ZNF793: variants seen among roughly 807,000 people sequenced by gnomAD.
ZNF793 encodes the protein zinc finger protein 793.
Under a neutral mutation model 12.4 loss-of-function variants are expected in ZNF793, and 5 were observed. The ratio of observed to expected loss-of-function variants is 0.40; its 90% CI spans 0.21 to 0.84. The LOEUF (loss-of-function observed/expected upper bound fraction) is 0.84. ZNF793 is among the 40% of genes least tolerant of loss of function. ZNF793 has a pLI of 0.35. For synonymous variants in ZNF793, 162 were observed against 172.4 expected, an observed-to-expected ratio of 0.94 and a Z score of 0.47; for missense variants, 456 against 495.0, an observed-to-expected ratio of 0.92 and a Z score of 0.75.
intron 2 of ZNF793, among the ~76,000 whole-genome samples, chr19:37,510,599 C>T (rs978915990): frequency 2.0e-5 from 3 of 151,422 alleles, no homozygotes; most frequent in Non-Finnish European, 4.4e-5. Flanking sequence ...TGAGAGGATT[C>T]CTTGAGCCCA....
chr19:37,540,705 T>C lies in ZNF793; in HGVS notation c.*2826T>C, dbSNP rs1263031364. 6.6e-6 allele frequency: 1 copy of C among 151,882 alleles called. No individual in the cohort carries two copies. Among genetic ancestry groups the C allele is most frequent in the Non-Finnish European group, 1.5e-5 (1 of 67,944 alleles). The allele number at this position is 151,882 out of a possible 1,614,324, so 9.4% of individuals were successfully genotyped here. ...ATAAACAGCAGAAAAGGTAAAACTA[T>C]CCATTTTTACTGATGATATGGTTGT... On this transcript the variant is annotated 3_prime_UTR_variant, in exon 8 of 8. Coordinates refer to ENST00000627814, the MANE Select transcript of ZNF793 (RefSeq NM_001013659.3).
chr19:37,524,592 C>T (rs1415340323), intron 5 of ZNF793, among the ~76,000 whole-genome samples: 4 of 152,192 alleles, frequency 2.6e-5, no homozygotes, highest in Non-Finnish European at 5.9e-5. Flanking sequence ...CTATTGTTAT[C>T]TCCAGTGGAA....
intron 3 of ZNF793, among the ~76,000 whole-genome samples, chr19:37,522,057 A>T (rs539968563): frequency 6.6e-6 from 1 of 152,264 alleles, no homozygotes; most frequent in Admixed American, 6.5e-5. Flanking sequence ...AAAACCAGGC[A>T]TTTGACACTG....
chr19:37,543,149 G>A lies in ZNF793; in HGVS notation c.*5270G>A, dbSNP rs1360619860. The A allele has an allele frequency of 6.6e-6, 1 of 152,128 alleles. No individual in the cohort carries two copies. The highest frequency in any genetic ancestry group is 2.1e-4 in the South Asian group (1 of 4,818). The allele number at this position is 152,128 out of a possible 1,614,324, so 9.4% of individuals were successfully genotyped here. ...TAAAAACTCCTGTGTGTGTATATAT[G>A]CATGTGGATGTTTATATGAACATAG... On this transcript the variant is annotated 3_prime_UTR_variant, in exon 8 of 8. Coordinates refer to ENST00000627814, the MANE Select transcript of ZNF793 (RefSeq NM_001013659.3).
At chr19:37,528,044 G>T (rs886744425) in intron 5 of ZNF793, among the ~76,000 whole-genome samples, 1 of 152,006 alleles carries the variant, frequency 6.6e-6, no homozygotes, top group Non-Finnish European at 1.5e-5. Context: ...CAGGAGAATC[G>T]CTTGAGCCCA....
intron 7 of ZNF793, chr19:37,533,815 GCAGTGAATTCCATGT>G (rs1250452684): frequency 2.9e-6 from 1 of 349,786 alleles, no homozygotes; most frequent in Non-Finnish European, 5.1e-6. Context: ...AGAAGAGGAA[GCAGTGAATTCCATGT>G]TGGGGTGGGG....
At chr19:37,523,523 G>A in intron 5 of ZNF793, 69 bp downstream of exon 5, 1 of 1,460,566 alleles carries the variant, frequency 6.8e-7, no homozygotes. Context: ...AAAAGGGTGT[G>A]CATTGTAAGT....
intron 4 of ZNF793, 111 bp from the exon 5 acceptor site, chr19:37,523,299 T>G: frequency 3.5e-6 from 3 of 858,134 alleles, no homozygotes; most frequent in South Asian, 3.2e-5. Context: ...AAGCATGGAT[T>G]TTTGTACAAT....
rs1254475427 is a variant in ZNF793 at position 37,541,176 on chromosome 19, C to T, written c.*3297C>T. ...AACCACAGGGGAAAAGAGTAGTTTA[C>T]TTAAAAAGAATTCTGGAACAGAACC... is the stretch of plus-strand genomic sequence containing the variant. On this transcript the variant is annotated 3_prime_UTR_variant, in exon 8 of 8. Coordinates refer to ENST00000627814, the MANE Select transcript of ZNF793 (RefSeq NM_001013659.3). 1 of 83,926 alleles carries T rather than the reference C, an allele frequency of 1.2e-5. No homozygotes were observed. The highest frequency in any genetic ancestry group is 2.3e-5 in the Non-Finnish European group (1 of 43,726). The allele number at this position is 83,926 out of a possible 1,614,324, so 5.2% of individuals were successfully genotyped here. A position where few individuals can be genotyped will look rare whatever the true frequency, so the allele number is the denominator to read the frequency against.
At chr19:37,524,807 G>A (rs8109038) in intron 5 of ZNF793, among the ~76,000 whole-genome samples, 33,352 of 152,132 alleles carry the variant, frequency 0.22, 3,968 homozygotes, top group South Asian at 0.32. Context: ...TGTTTAAAAG[G>A]CTTTGGATGA....
chr19:37,523,851 C>T (rs539285799), intron 5 of ZNF793, among the ~76,000 whole-genome samples: 38 of 152,174 alleles, frequency 2.5e-4, no homozygotes, highest in African/African-American at 9.1e-4. Flanking sequence ...GGATAATTCT[C>T]AGAAAGGTTT....
Position 37,524,182 on chromosome 19 carries a change from TAATAATAA to T in ZNF793, c.15+729_15+736del, listed in dbSNP as rs780330121. The stretch of plus-strand genomic sequence containing the variant: ...ATAATAATAATAATAATAATAATAA[TAATAATAA>T]TAATAATAAAGGGTTTTAAGCCTGC... On this transcript the variant is annotated intron_variant, in intron 5 of 7. Coordinates refer to ENST00000627814, the MANE Select transcript of ZNF793 (RefSeq NM_001013659.3). Among the ~76,000 whole-genome samples, 1,070 of 148,138 alleles carry T rather than the reference TAATAATAA, an allele frequency of 7.2e-3. 11 individuals carry two copies. The highest frequency in any genetic ancestry group is 0.021 in the Middle Eastern group (6 of 280).
Position 37,540,780 on chromosome 19 carries a change from C to T in ZNF793, c.*2901C>T, listed in dbSNP as rs2042547052. On this transcript the variant is annotated 3_prime_UTR_variant, in exon 8 of 8. Transcript: ENST00000627814. The stretch of plus-strand genomic sequence containing the variant: ...TTTTGAGTTAACTTTTCTAAGAAGA[C>T]AGGGTACCAAAATCAAGAGCTGTTC... 2 of 151,716 alleles carry T rather than the reference C, an allele frequency of 1.3e-5. No homozygotes were observed. The highest frequency in any genetic ancestry group is 4.8e-5 in the African/African-American group (2 of 41,346). 9.4% of individuals were successfully genotyped at this position (151,716 alleles called of 1,614,324 possible).
intron 2 of ZNF793, among the ~76,000 whole-genome samples, chr19:37,512,125 CTCT>C (rs770538459): frequency 5.5e-4 from 83 of 152,162 alleles, no homozygotes; most frequent in Non-Finnish European, 1.0e-3. Context: ...AGCAGCTAAC[CTCT>C]TCTTTAATCT....
At chr19:37,525,790 A>G (rs1038823919) in intron 5 of ZNF793, among the ~76,000 whole-genome samples, 4 of 152,198 alleles carry the variant, frequency 2.6e-5, no homozygotes, top group African/African-American at 9.6e-5. Context: ...AATTTGATCC[A>G]AGGCAGCTGT....
chr19:37,539,214 C>CA lies in ZNF793; in HGVS notation c.*1339dup, dbSNP rs1014594245. The CA allele has an allele frequency of 2.1e-4, 32 of 152,134 alleles. No individual in the cohort carries two copies. Among genetic ancestry groups the CA allele is most frequent in the African/African-American group, 7.7e-4 (32 of 41,424 alleles). The allele number at this position is 152,134 out of a possible 1,614,324, so 9.4% of individuals were successfully genotyped here. ...AAATGAAACACTGTAAACTATTTGA[C>CA]AAAATGTAGTGTCACCCTGGTGTAC... On this transcript the variant is annotated 3_prime_UTR_variant, in exon 8 of 8. Coordinates refer to ENST00000627814, the MANE Select transcript of ZNF793 (RefSeq NM_001013659.3).
chr19:37,530,523 A>G (rs1367979255), intron 5 of ZNF793, among the ~76,000 whole-genome samples: 2 of 151,764 alleles, frequency 1.3e-5, no homozygotes, highest in Admixed American at 1.3e-4. Flanking sequence ...AGTGGTGATG[A>G]CTCTTAAGGA....
chr19:37,521,682 A>G (rs1486795683), intron 3 of ZNF793, among the ~76,000 whole-genome samples: 1 of 151,632 alleles, frequency 6.6e-6, no homozygotes, highest in Non-Finnish European at 1.5e-5. Context: ...ACCTCAGGTG[A>G]TACACCTGCC....
intron 5 of ZNF793, among the ~76,000 whole-genome samples, chr19:37,530,010 A>T (rs548864004): frequency 1.3e-5 from 2 of 151,002 alleles, no homozygotes; most frequent in Non-Finnish European, 3.0e-5. Context: ...GGTGAGGGGG[A>T]TGTGGCAGGG....
Sources: allele counts gnomAD v4.1 joint callset (sites outside exome capture counted in the v4.1 genomes callset), GRCh38; gene constraint gnomAD v4.1.1; transcripts MANE v1.5; gene names NCBI Gene and HGNC (gene_info 2026-07-23, HGNC 2026-07-21).